Variants in TRMT2B observed in about 807,000 individuals in gnomAD.
The protein encoded by TRMT2B is tRNA methyltransferase 2B.
Under a neutral mutation model 39.7 loss-of-function variants are expected in TRMT2B, and 34 were observed. The ratio of observed to expected loss-of-function variants is 0.86; its 90% confidence interval spans 0.65 to 1.14. TRMT2B has a LOEUF of 1.14. Among genes scored for constraint, TRMT2B ranks in the 50% most tolerant of loss-of-function variants. The pLI is 0.00. For synonymous variants in TRMT2B, 132 were observed against 137.3 expected (o/e 0.96, Z 0.27); for missense variants, 318 against 377.2 (o/e 0.84, Z 1.30).
At chrX:101,048,353 T>A (rs2088829525) in intron 2 of TRMT2B, among the ~76,000 whole-genome samples, 1 of 110,458 alleles carries the variant, frequency 9.1e-6, no homozygotes, top group Admixed American at 9.7e-5. Context: ...AGTTCAGGTG[T>A]TAATGATAGC....
chrX:100,993,576 TG>T, the TRMT2B span, among the ~76,000 whole-genome samples: 1 of 111,707 alleles, frequency 9.0e-6, no homozygotes, highest in Non-Finnish European at 1.9e-5. Flanking sequence ...CCTATGAAGG[TG>T]AGCTGGGTGA....
At chrX:100,980,921 ACT>A in the TRMT2B span, among the ~76,000 whole-genome samples, 2 of 110,841 alleles carry the variant, frequency 1.8e-5, no homozygotes, top group Non-Finnish European at 3.8e-5. Flanking sequence ...GGGCTTCGGG[ACT>A]CTGCCTGGTA....
At chrX:100,991,517 T>C in the TRMT2B span, among the ~76,000 whole-genome samples, 1 of 110,766 alleles carries the variant, frequency 9.0e-6, no homozygotes, top group Non-Finnish European at 1.9e-5. Context: ...TAGCTGGGAC[T>C]ACTGGCGCCC....
At chrX:100,998,017 A>G in the TRMT2B span, among the ~76,000 whole-genome samples, 16,616 of 110,785 alleles carry the variant, frequency 0.15, 1,163 homozygotes, top group Non-Finnish European at 0.21. Context: ...CACTTTGGGA[A>G]GCTGAAGTGG....
chrX:101,022,051 A>G lies in TRMT2B; in HGVS notation c.768T>C (p.His256=). Residue 256 remains histidine, a synonymous_variant, in exon 9 of 14, where the codon CAT becomes CAC. Coordinates refer to ENST00000372936, the MANE Select transcript of TRMT2B (RefSeq NM_024917.6). ...ATTCCTTTACAATCTCCTTCTGAAC[A>G]TGGAGCTCCTCCTGCCCAGACCATA... ...HPQKLSQEEL[H]VQKEIVKEFF... The G allele has an allele frequency of 1.7e-6, 2 of 1,207,646 alleles. No individual in the cohort carries two copies. Among genetic ancestry groups the G allele is most frequent in the Non-Finnish European group, 2.2e-6 (2 of 891,623 alleles).
chrX:101,021,985 T>G lies in TRMT2B; in HGVS notation c.834A>C (p.Ser278=). 1.7e-6 allele frequency: 2 copies of G among 1,208,936 alleles called. No homozygotes were observed. Among genetic ancestry groups the G allele is most frequent in the Non-Finnish European group, 2.2e-6 (2 of 892,715 alleles). ...AGGTTTACCTTTCCTGGAAGTAAAG[T>G]GAGGTCAAGCCACAGGCTGCTCCAG... ...RGPGAACGLT[S]LYFQESTMTR... is the part of the protein sequence containing the mutation. The change falls in exon 9 of 14, where the codon TCA becomes TCC. Residue 278 remains serine (S), a synonymous_variant. Transcript: ENST00000372936.
chrX:101,017,583 T>TGA (rs1201983472), intron 13 of TRMT2B, among the ~76,000 whole-genome samples: 2 of 111,868 alleles, frequency 1.8e-5, no homozygotes, highest in Non-Finnish European at 3.8e-5. Context: ...TAGTAAAAAG[T>TGA]GAGAGAGAAA....
At chrX:101,004,193 G>A in the TRMT2B span, among the ~76,000 whole-genome samples, 1 of 110,637 alleles carries the variant, frequency 9.0e-6, no homozygotes, top group South Asian at 3.8e-4. Context: ...TGTGGAGATA[G>A]GGTTTTGCCA....
intron 4 of TRMT2B, among the ~76,000 whole-genome samples, chrX:101,040,919 T>G (rs1426197377): frequency 8.9e-6 from 1 of 111,841 alleles, no homozygotes; most frequent in African/African-American, 3.2e-5. Context: ...CGTAGAACTG[T>G]CCAGTCAAGG....
At chrX:101,020,182 C>T (rs751540582) in intron 11 of TRMT2B, among the ~76,000 whole-genome samples, 4 of 111,688 alleles carry the variant, frequency 3.6e-5, no homozygotes, top group East Asian at 2.8e-4. Context: ...TATAAGGCCT[C>T]GTGAGTCTAA....
At chrX:100,973,638 A>T in the TRMT2B span, 1 of 1,156,696 alleles carries the variant, frequency 8.6e-7, no homozygotes, top group Non-Finnish European at 1.2e-6. Flanking sequence ...TTATAACAGG[A>T]CTTACTTCTT....
intron 13 of TRMT2B, among the ~76,000 whole-genome samples, chrX:101,014,092 A>C (rs2086399856): frequency 9.0e-6 from 1 of 111,296 alleles, no homozygotes; most frequent in Non-Finnish European, 1.9e-5. Context: ...ATCCCCCGCA[A>C]AAAAAAGCAT....
the TRMT2B span, among the ~76,000 whole-genome samples, chrX:100,994,734 A>C: frequency 1.8e-5 from 2 of 111,591 alleles, no homozygotes; most frequent in African/African-American, 3.3e-5. Flanking sequence ...AATCCCCCAG[A>C]GATTCAAGTG....
chrX:100,997,761 A>G, the TRMT2B span, among the ~76,000 whole-genome samples: 1 of 112,309 alleles, frequency 8.9e-6, no homozygotes, highest in Non-Finnish European at 1.9e-5. Flanking sequence ...TTTAGCAACC[A>G]ACATTATGAA....
the TRMT2B span, among the ~76,000 whole-genome samples, chrX:100,998,786 A>G: frequency 9.0e-6 from 1 of 110,960 alleles, no homozygotes; most frequent in African/African-American, 3.3e-5. Context: ...GTCAGGATTT[A>G]GGCCAGGTCA....
chrX:101,045,455 GA>G (rs112091401), intron 2 of TRMT2B, among the ~76,000 whole-genome samples: 60 of 71,140 alleles, frequency 8.4e-4, no homozygotes, highest in Middle Eastern at 9.5e-3. Context: ...ACTTCATCTC[GA>G]AAAAAAAAAA....
downstream of TRMT2B, among the ~76,000 whole-genome samples, chrX:101,005,728 A>G (rs987784392): frequency 1.4e-4 from 14 of 99,203 alleles, no homozygotes; most frequent in South Asian, 4.8e-4. Flanking sequence ...AATACAAAAA[A>G]AAATTAGCCA....
chrX:101,019,159 A>T, intron 12 of TRMT2B, 89 bp from the exon 13 acceptor site: 1 of 1,130,157 alleles, frequency 8.8e-7, no homozygotes, highest in Admixed American at 2.2e-5. Context: ...CTCAGGATTG[A>T]TTAGAAATAG....
the TRMT2B span, chrX:100,988,107 G>T: frequency 1.4e-6 from 1 of 732,044 alleles, no homozygotes; most frequent in Non-Finnish European, 2.0e-6. Flanking sequence ...AAGGCATATG[G>T]CAGGGATGGG....
Sources: gnomAD v4.1 joint callset for allele counts (sites outside exome capture counted in the v4.1 genomes callset) on GRCh38, gnomAD v4.1.1 for gene constraint, MANE v1.5 for transcripts, NCBI Gene and HGNC (gene_info 2026-07-23, HGNC 2026-07-21) for gene names.